Variants in CORIN observed in about 807,000 individuals in gnomAD.
CORIN encodes the protein corin, serine peptidase.
A neutral mutation model predicts 125.3 loss-of-function variants in CORIN; 117 were observed. The ratio of observed to expected loss-of-function variants is 0.93; its 90% CI spans 0.80 to 1.09. The LOEUF is 1.09. Among genes scored for constraint, CORIN ranks in the 50% least tolerant of loss-of-function variants. The pLI, the probability that CORIN is intolerant of heterozygous loss-of-function variation, is 0.00. For missense variants in CORIN, 1,253 were observed against 1,306.7 expected (o/e 0.96, Z 0.63); for synonymous variants, 450 against 466.4 (o/e 0.96, Z 0.45).
intron 12 of CORIN, among the ~76,000 whole-genome samples, chr4:47,661,313 G>A (rs560852184): frequency 1.1e-3 from 169 of 152,260 alleles, no homozygotes; most frequent in Non-Finnish European, 2.0e-3. Flanking sequence ...TACATTTAAA[G>A]ATAACTAAAG....
chr4:47,799,106 G>GGTGTGTGTGT (rs764434569), intron 2 of CORIN, among the ~76,000 whole-genome samples: 9 of 141,452 alleles, frequency 6.4e-5, no homozygotes, highest in Non-Finnish European at 6.2e-5. Flanking sequence ...TATCCCATGG[G>GGTGTGTGTGT]GTGTGTGTGT....
At chr4:47,761,712 G>T (rs982934401) in intron 4 of CORIN, among the ~76,000 whole-genome samples, 1 of 152,144 alleles carries the variant, frequency 6.6e-6, no homozygotes, top group Non-Finnish European at 1.5e-5. Context: ...AAAAGAGACT[G>T]GGGAAGTTCA....
At chr4:47,646,715 T>C (rs2109625579) in intron 13 of CORIN, among the ~76,000 whole-genome samples, 1 of 152,350 alleles carries the variant, frequency 6.6e-6, no homozygotes, top group East Asian at 1.9e-4. Context: ...TAAGTAGAAC[T>C]TCATTTCATG....
chr4:47,626,285 A>G (rs1410691106), intron 17 of CORIN, 120 bp downstream of exon 17: 2 of 668,556 alleles, frequency 3.0e-6, no homozygotes. Flanking sequence ...AAATCTATGG[A>G]AACTCTTTAC....
chr4:47,729,674 C>T, intron 5 of CORIN, among the ~76,000 whole-genome samples: 1 of 152,134 alleles, frequency 6.6e-6, no homozygotes, highest in East Asian at 1.9e-4. Context: ...CACCCTTAAG[C>T]TGGAAGACCC....
chr4:47,713,848 T>A (rs150719089), intron 5 of CORIN, among the ~76,000 whole-genome samples: 1 of 152,212 alleles, frequency 6.6e-6, no homozygotes, highest in African/African-American at 2.4e-5. Context: ...ATCTTTTTTT[T>A]TAATGGCATA....
At chr4:47,709,597 T>G (rs1305345968) in intron 5 of CORIN, among the ~76,000 whole-genome samples, 2 of 152,130 alleles carry the variant, frequency 1.3e-5, no homozygotes, top group Non-Finnish European at 2.9e-5. Flanking sequence ...TGGCCAGAAG[T>G]GCTTTAAAGA....
chr4:47,828,162 T>C (rs1283156552), intron 1 of CORIN, among the ~76,000 whole-genome samples: 1 of 152,310 alleles, frequency 6.6e-6, no homozygotes, highest in Non-Finnish European at 1.5e-5. Flanking sequence ...AGTATGTGTT[T>C]GTTTTTTTTC....
intron 5 of CORIN, among the ~76,000 whole-genome samples, chr4:47,695,481 T>C (rs1725950399): frequency 6.6e-6 from 1 of 152,236 alleles, no homozygotes; most frequent in African/African-American, 2.4e-5. Context: ...AAGCCATTTC[T>C]TGCATATGGT....
chr4:47,711,552 G>A (rs748275463), intron 5 of CORIN, among the ~76,000 whole-genome samples: 6 of 152,252 alleles, frequency 3.9e-5, no homozygotes, highest in African/African-American at 7.2e-5. Flanking sequence ...AGGGATTGGT[G>A]AAGCAAGAAA....
At chr4:47,736,134 C>T (rs1245099265) in intron 5 of CORIN, among the ~76,000 whole-genome samples, 1 of 151,960 alleles carries the variant, frequency 6.6e-6, no homozygotes, top group Admixed American at 6.6e-5. Context: ...TGTAAGCATT[C>T]TTATAAAACA....
intron 10 of CORIN, among the ~76,000 whole-genome samples, chr4:47,673,183 T>A (rs1405974808): frequency 7.9e-5 from 1 of 12,626 alleles, no homozygotes; most frequent in Non-Finnish European, 1.2e-4. Context: ...TACCAAAAAA[T>A]AAATAAATAA....
chr4:47,647,575 T>C (rs10007684), intron 13 of CORIN, among the ~76,000 whole-genome samples: 21,046 of 152,198 alleles, frequency 0.14, 1,963 homozygotes, highest in East Asian at 0.47. Context: ...ATCCACATTC[T>C]AGATATTAGC....
intron 2 of CORIN, among the ~76,000 whole-genome samples, chr4:47,804,476 T>C (rs965295897): frequency 1.3e-5 from 2 of 152,068 alleles, no homozygotes; most frequent in East Asian, 1.9e-4. Flanking sequence ...CAACAGATGA[T>C]TGGATAAAGA....
intron 19 of CORIN, among the ~76,000 whole-genome samples, chr4:47,623,117 T>TAC (rs1553904959): frequency 1.2e-3 from 161 of 134,534 alleles, no homozygotes; most frequent in South Asian, 3.4e-3. Context: ...TATATATATA[T>TAC]ACACACACAC....
At chr4:47,606,905 A>T (rs766518657) in intron 19 of CORIN, among the ~76,000 whole-genome samples, 5 of 152,190 alleles carry the variant, frequency 3.3e-5, no homozygotes, top group Non-Finnish European at 7.3e-5. Context: ...CAAATTTCTG[A>T]CTACTTAATA....
At chr4:47,820,683 A>G (rs547999714) in intron 1 of CORIN, among the ~76,000 whole-genome samples, 2 of 152,152 alleles carry the variant, frequency 1.3e-5, no homozygotes, top group Non-Finnish European at 2.9e-5. Context: ...CCTGCCCGAA[A>G]AATGAGCTCA....
rs1722431920 is a variant in CORIN, at chr4:47,623,705, G to A, written c.2406C>T (p.Ile802=). The part of the protein sequence containing the change: ...RRPAARMNKR[I]LGGRTSRPGR... ...CAGGGCGACTCGTCCGACCTCCAAGGATCCTTTTGTTCATTCGGGCAGCAG... is the reference window on the plus strand; with the variant it reads ...CAGGGCGACTCGTCCGACCTCCAAGAATCCTTTTGTTCATTCGGGCAGCAG... The change falls in exon 19 of 22, where the codon ATC becomes ATT. Residue 802 remains isoleucine, a synonymous_variant. Transcript: ENST00000273857. 1 of 1,614,096 alleles carries A rather than the reference G, an allele frequency of 6.2e-7. No homozygotes were observed. The highest frequency in any genetic ancestry group is 1.1e-5 in the South Asian group (1 of 91,086).
chr4:47,729,481 T>G, intron 5 of CORIN, among the ~76,000 whole-genome samples: 1 of 152,032 alleles, frequency 6.6e-6, no homozygotes, highest in East Asian at 1.9e-4. Flanking sequence ...TCGCAGCAGA[T>G]GGAACAGAGT....
Sources: gnomAD v4.1 joint callset for allele counts (sites outside exome capture counted in the v4.1 genomes callset) on GRCh38, gnomAD v4.1.1 for gene constraint, MANE v1.5 for transcripts, NCBI Gene and HGNC (gene_info 2026-07-23, HGNC 2026-07-21) for gene names.